Variants in XKR9 observed in about 807,000 individuals in gnomAD.
The protein encoded by XKR9 is XK related 9.
In XKR9, 32 loss-of-function variants were observed where a neutral mutation model predicts 32.0. That is an observed-to-expected ratio of 1.00 (90% CI 0.76 to 1.34). The LOEUF (loss-of-function observed/expected upper bound fraction) is 1.34. XKR9 is among the 40% of genes most tolerant of loss of function. XKR9 has a pLI of 0.00. For synonymous variants in XKR9, 168 were observed against 143.4 expected (o/e 1.17, Z -1.22); for missense variants, 546 against 429.7 (o/e 1.27, Z -2.39).
Position 70,706,994 on chromosome 8 carries a change from A to T in XKR9, c.334A>T (p.Asn112Tyr). The part of the protein sequence containing the change: ...AAFKYDSNTS[N>Y]FVEEQIDLHK... ...TTTTAAATATGACAGCAATACTAGT[A>T]ACTTCGTGGAAGAACAAATTGATCT... Residue 112 changes from asparagine to tyrosine, a missense_variant, in exon 4 of 5, where the codon AAC (asparagine) becomes TAC (tyrosine). Physicochemically the swap from Asn to Tyr is moderately radical, Grantham distance 143 (BLOSUM62 -2). Transcript: ENST00000408926. 2 of 1,613,372 alleles carry T rather than the reference A, an allele frequency of 1.2e-6. No homozygotes were observed. The highest frequency in any genetic ancestry group is 1.7e-6 in the Non-Finnish European group (2 of 1,179,458).
At chr8:70,730,036 A>G (rs1563454694) in intron 4 of XKR9, among the ~76,000 whole-genome samples, 1 of 152,196 alleles carries the variant, frequency 6.6e-6, no homozygotes, top group East Asian at 1.9e-4. Context: ...TACTTATCCG[A>G]GGTGGTAACT....
chr8:70,674,476 G>A (rs1430555559), intron 1 of XKR9, among the ~76,000 whole-genome samples: 1 of 152,210 alleles, frequency 6.6e-6, no homozygotes, highest in African/African-American at 2.4e-5. Context: ...TGAAAAGTAG[G>A]TAGGGCTGAG....
the XKR9 span, among the ~76,000 whole-genome samples, chr8:71,043,367 T>G: frequency 1.3e-5 from 2 of 152,146 alleles, no homozygotes; most frequent in African/African-American, 4.8e-5. Context: ...CAATTCTGAG[T>G]TGAAAGTAGG....
At chr8:70,681,393 G>A in intron 3 of XKR9, 63 bp downstream of exon 3, 2 of 1,538,682 alleles carry the variant, frequency 1.3e-6, no homozygotes, top group South Asian at 2.6e-5. Flanking sequence ...CTACCATTTT[G>A]TATCTTATCT....
chr8:70,805,490 C>G, the XKR9 span, among the ~76,000 whole-genome samples: 1 of 152,234 alleles, frequency 6.6e-6, no homozygotes, highest in Non-Finnish European at 1.5e-5. Context: ...GGACTCACAA[C>G]TGCCTAACAC....
the XKR9 span, among the ~76,000 whole-genome samples, chr8:70,878,935 C>T: frequency 3.9e-5 from 6 of 152,236 alleles, no homozygotes; most frequent in Non-Finnish European, 7.4e-5. Context: ...TGTAAAAGAA[C>T]AGAAATTATA....
the XKR9 span, among the ~76,000 whole-genome samples, chr8:70,902,656 A>T: frequency 1.3e-5 from 2 of 152,184 alleles, no homozygotes; most frequent in Non-Finnish European, 2.9e-5. Context: ...CCTGGCCAGA[A>T]CTTCCAACAC....
the XKR9 span, among the ~76,000 whole-genome samples, chr8:70,804,680 T>A: frequency 2.0e-5 from 3 of 152,204 alleles, no homozygotes; most frequent in East Asian, 5.8e-4. Flanking sequence ...TATACTGAGT[T>A]TTTGTGTAGT....
At chr8:70,729,554 GT>G (rs200394649) in intron 4 of XKR9, among the ~76,000 whole-genome samples, 1,752 of 152,122 alleles carry the variant, frequency 0.012, 33 homozygotes, top group African/African-American at 0.038. Context: ...ACCTGTCAAA[GT>G]TTTGTAGCTG....
chr8:70,692,088 G>A (rs1375683919), intron 3 of XKR9, among the ~76,000 whole-genome samples: 2 of 152,036 alleles, frequency 1.3e-5, no homozygotes, highest in Non-Finnish European at 2.9e-5. Context: ...ATTTCTTTGA[G>A]CAGTGTTTTG....
the XKR9 span, among the ~76,000 whole-genome samples, chr8:70,927,115 C>A: frequency 6.6e-6 from 1 of 151,632 alleles, no homozygotes; most frequent in African/African-American, 2.4e-5. Context: ...CACATACACA[C>A]AAGGAACTTG....
At chr8:70,777,476 A>G (rs1807543553) in intron 2 of XKR9, among the ~76,000 whole-genome samples, 2 of 152,172 alleles carry the variant, frequency 1.3e-5, no homozygotes, top group African/African-American at 4.8e-5. Context: ...ATACCCAGTA[A>G]TGGGATTGCT....
chr8:70,691,295 T>C (rs1805061804), intron 3 of XKR9, among the ~76,000 whole-genome samples: 1 of 152,236 alleles, frequency 6.6e-6, no homozygotes, highest in African/African-American at 2.4e-5. Flanking sequence ...AAGTTCCTTA[T>C]AGATACTGGG....
Position 70,734,346 on chromosome 8 carries a change from T to C in XKR9, c.1044T>C (p.Ser348=). 6.2e-7 allele frequency: 1 copy of C among 1,611,588 alleles called. No homozygotes were observed. Among genetic ancestry groups the C allele is most frequent in the Non-Finnish European group, 8.5e-7 (1 of 1,179,474 alleles). The stretch of plus-strand genomic sequence containing the variant: ...ATGGGAGTTTTCACCCAAACAGAAG[T>C]GCAGAAACAAAATGTGATGAAATTG... ...VYYGSFHPNR[S]AETKCDEIDG... Residue 348 remains serine, a synonymous_variant, in exon 5 of 5, where the codon AGT becomes AGC. Coordinates refer to ENST00000408926, the MANE Select transcript of XKR9 (RefSeq NM_001011720.2).
chr8:70,885,527 C>T, the XKR9 span, among the ~76,000 whole-genome samples: 1,059 of 152,144 alleles, frequency 7.0e-3, 5 homozygotes, highest in Non-Finnish European at 0.011. Flanking sequence ...TTTTAAGCTC[C>T]GCATGCATTA....
At chr8:70,711,361 C>G (rs1178169638) in intron 4 of XKR9, among the ~76,000 whole-genome samples, 1 of 152,096 alleles carries the variant, frequency 6.6e-6, no homozygotes, top group Non-Finnish European at 1.5e-5. Flanking sequence ...ATAGCAAAGA[C>G]ATGGAATCAA....
chr8:70,727,972 G>C (rs1306862585), intron 4 of XKR9, among the ~76,000 whole-genome samples: 1 of 152,148 alleles, frequency 6.6e-6, no homozygotes, highest in Non-Finnish European at 1.5e-5. Flanking sequence ...TCAGCTGCAT[G>C]ACTCCTAAAC....
At chr8:70,883,803 G>A in the XKR9 span, among the ~76,000 whole-genome samples, 3 of 152,048 alleles carry the variant, frequency 2.0e-5, no homozygotes, top group East Asian at 3.9e-4. Context: ...ATCCTAGTTA[G>A]TTCCAAGTTT....
At chr8:70,733,523 C>T (rs563503475) in intron 4 of XKR9, among the ~76,000 whole-genome samples, 85 of 152,092 alleles carry the variant, frequency 5.6e-4, no homozygotes, top group Non-Finnish European at 8.8e-4. Flanking sequence ...ATAAAACAGT[C>T]TAATATAGTG....
Sources: gnomAD v4.1 joint callset for allele counts (sites outside exome capture counted in the v4.1 genomes callset) on GRCh38, gnomAD v4.1.1 for gene constraint, MANE v1.5 for transcripts, NCBI Gene and HGNC (gene_info 2026-07-23, HGNC 2026-07-21) for gene names.